Variants in MBNL1 observed in about 807,000 individuals in gnomAD.
MBNL1 encodes the protein muscleblind like splicing regulator 1, also known as muscleblind-like protein 1.
A neutral mutation model predicts 42.2 loss-of-function variants in MBNL1; 8 were observed. The observed-to-expected ratio is 0.19, with a 90% CI of 0.11 to 0.34. The LOEUF (loss-of-function observed/expected upper bound fraction) is 0.34. MBNL1 is among the 10% of genes least tolerant of loss of function. The pLI is 1.00. For missense variants in MBNL1, 309 were observed against 495.3 expected (o/e 0.62, Z 3.57); for synonymous variants, 169 against 173.9 (o/e 0.97, Z 0.22).
chr3:152,417,963 C>T (rs1317563999), intron 3 of MBNL1, among the ~76,000 whole-genome samples: 2 of 152,184 alleles, frequency 1.3e-5, no homozygotes, highest in East Asian at 3.8e-4. Context: ...GAGGTCTATA[C>T]ATTTAATATC....
At chr3:152,351,310 A>G (rs1425881849) in intron 2 of MBNL1, among the ~76,000 whole-genome samples, 1 of 152,190 alleles carries the variant, frequency 6.6e-6, no homozygotes, top group Non-Finnish European at 1.5e-5. Context: ...TTATGTCATT[A>G]TATTTTGTCT....
At chr3:152,285,601 T>G (rs535276838) in intron 1 of MBNL1, among the ~76,000 whole-genome samples, 1 of 151,686 alleles carries the variant, frequency 6.6e-6, no homozygotes, top group Non-Finnish European at 1.5e-5. Context: ...TATGCTTGGC[T>G]TCTTCAGTGG....
chr3:152,273,295 G>A (rs1023111161), intron 1 of MBNL1, among the ~76,000 whole-genome samples: 1 of 152,008 alleles, frequency 6.6e-6, no homozygotes, highest in Non-Finnish European at 1.5e-5. Flanking sequence ...TAGAGAAATC[G>A]GTTTTTACGT....
Position 152,382,421 on chromosome 3 carries a change from C to T in MBNL1, c.175-32520C>T, listed in dbSNP as rs548921311. ...AGGGACAAAAGCTGGAGAATTCATACGTTGTGTTAGCAAGAAAAAATAGAT... is the reference window on the plus strand; with the variant it reads ...AGGGACAAAAGCTGGAGAATTCATATGTTGTGTTAGCAAGAAAAAATAGAT... On this transcript the variant is annotated intron_variant, in intron 2 of 9. Coordinates refer to ENST00000324210, the MANE Select transcript of MBNL1 (RefSeq NM_021038.5). Among the ~76,000 whole-genome samples the T allele has an allele frequency of 2.6e-5, 4 of 152,064 alleles. No individual in the cohort carries two copies. In the South Asian group the frequency reaches 6.2e-4, roughly 24 times the overall value.
Position 152,283,530 on chromosome 3 carries a change from A to G in MBNL1, c.-790+14438A>G, listed in dbSNP as rs865993952. Among the ~76,000 whole-genome samples the G allele has an allele frequency of 3.3e-5, 5 of 152,328 alleles. No homozygotes were observed. The Middle Eastern group carries it at 0.014, about 414-fold the overall frequency. On this transcript the variant is annotated intron_variant, in intron 1 of 9. Coordinates refer to ENST00000324210, the MANE Select transcript of MBNL1 (RefSeq NM_021038.5). ...AGTGAAAAAGTCCTGAGTTTATTTA[A>G]TAAGATTTCTTCAGATCCCATACAC...
intron 2 of MBNL1, among the ~76,000 whole-genome samples, chr3:152,317,080 C>T (rs1044053930): frequency 9.9e-5 from 15 of 151,766 alleles, no homozygotes; most frequent in Admixed American, 9.8e-4. Flanking sequence ...TTTTTGGTCC[C>T]TAAAAAGCAA....
At chr3:152,352,744 C>T (rs2095160767) in intron 2 of MBNL1, among the ~76,000 whole-genome samples, 2 of 152,204 alleles carry the variant, frequency 1.3e-5, no homozygotes, top group Admixed American at 6.5e-5. Flanking sequence ...GTTCCTGTTG[C>T]AGTCATTTAC....
chr3:152,411,646 A>ATATTGGAGTAGTAGCTCC (rs1212957275), intron 2 of MBNL1, among the ~76,000 whole-genome samples: 2 of 152,224 alleles, frequency 1.3e-5, no homozygotes, highest in African/African-American at 4.8e-5. Flanking sequence ...GCTCCAATAT[A>ATATTGGAGTAGTAGCTCC]AAAGTCTGTA....
chr3:152,411,636 G>C (rs2098574074), intron 2 of MBNL1, among the ~76,000 whole-genome samples: 1 of 152,128 alleles, frequency 6.6e-6, no homozygotes, highest in Non-Finnish European at 1.5e-5. Flanking sequence ...TAGAGTAGTA[G>C]CTCCAATATA....
At chr3:152,252,309 C>T (rs1309156932) in intron 2 of MBNL1, among the ~76,000 whole-genome samples, 1 of 141,096 alleles carries the variant, frequency 7.1e-6, no homozygotes, top group African/African-American at 2.5e-5. Flanking sequence ...TCCTCCCTCT[C>T]TCTTTCTGGC....
At chr3:152,345,708 G>A (rs1214989317) in intron 2 of MBNL1, among the ~76,000 whole-genome samples, 2 of 152,050 alleles carry the variant, frequency 1.3e-5, no homozygotes, top group African/African-American at 2.4e-5. Context: ...AACTGCAAAG[G>A]TACAGTACTG....
At chr3:152,346,463 T>C (rs1292573686) in intron 2 of MBNL1, among the ~76,000 whole-genome samples, 1 of 152,186 alleles carries the variant, frequency 6.6e-6, no homozygotes, top group Non-Finnish European at 1.5e-5. Flanking sequence ...GTCCCATTAT[T>C]CTGAGAAGAG....
At chr3:152,349,581 C>T (rs910986157) in intron 2 of MBNL1, among the ~76,000 whole-genome samples, 3 of 152,024 alleles carry the variant, frequency 2.0e-5, no homozygotes, top group Non-Finnish European at 4.4e-5. Flanking sequence ...ACTGGAAGTG[C>T]TGGATATAAT....
chr3:152,252,344 C>T (rs974624124), intron 2 of MBNL1, among the ~76,000 whole-genome samples: 1 of 146,982 alleles, frequency 6.8e-6, no homozygotes, highest in Non-Finnish European at 1.5e-5. Context: ...GATCACAACA[C>T]TCCTTTTACA....
chr3:152,284,291 T>C (rs1054120065), intron 1 of MBNL1, among the ~76,000 whole-genome samples: 1 of 152,130 alleles, frequency 6.6e-6, no homozygotes, highest in Non-Finnish European at 1.5e-5. Context: ...CCTGTAATTT[T>C]TCTCAAAGGA....
chr3:152,411,583 C>T (rs2098571857), intron 2 of MBNL1, among the ~76,000 whole-genome samples: 1 of 152,118 alleles, frequency 6.6e-6, no homozygotes, highest in African/African-American at 2.4e-5. Context: ...ATTAACCTAG[C>T]AGCCCAATTT....
At chr3:152,395,993 G>T (rs1248463973) in intron 2 of MBNL1, among the ~76,000 whole-genome samples, 1 of 152,152 alleles carries the variant, frequency 6.6e-6, no homozygotes, top group African/African-American at 2.4e-5. Flanking sequence ...CAGCTGCTCC[G>T]CATTGCTGGC....
At chr3:152,365,282 C>T (rs2096282305) in intron 2 of MBNL1, among the ~76,000 whole-genome samples, 1 of 151,788 alleles carries the variant, frequency 6.6e-6, no homozygotes, top group African/African-American at 2.4e-5. Flanking sequence ...TTTTTATAAC[C>T]CCTCTTATCA....
Position 152,282,354 on chromosome 3 carries a change from G to A in MBNL1, c.-790+13262G>A, listed in dbSNP as rs373932271. ...AGAATTCTTAGGGACATGTGTGTGT[G>A]TGTGTATTCAGATTAAAGATTCCAT... On this transcript the variant is annotated intron_variant, in intron 1 of 9. Coordinates refer to ENST00000324210, the MANE Select transcript of MBNL1 (RefSeq NM_021038.5). 6.1e-4 allele frequency among the ~76,000 whole-genome samples: 93 copies of A among 152,198 alleles called. No individual in the cohort carries two copies. The South Asian group carries it at 0.019, about 31-fold the overall frequency.
Sources: allele counts gnomAD v4.1 joint callset (sites outside exome capture counted in the v4.1 genomes callset), GRCh38; gene constraint gnomAD v4.1.1; transcripts MANE v1.5; gene names NCBI Gene and HGNC (gene_info 2026-07-23, HGNC 2026-07-21).